The following VWA8 variants were observed in gnomAD, a reference collection of about 807,000 sequenced individuals.
VWA8 encodes the protein von Willebrand factor A domain containing 8.
VWA8 carries 221 observed loss-of-function variants against 241.5 expected under a neutral mutation model. The ratio of observed to expected loss-of-function variants is 0.91; its 90% CI spans 0.82 to 1.02. VWA8 has a LOEUF of 1.02. VWA8 is among the 50% of genes least tolerant of loss of function. The pLI is 0.00. For synonymous variants in VWA8, 852 were observed against 827.1 expected (o/e 1.03, Z -0.52); for missense variants, 2,322 against 2,328.7 (o/e 1.00, Z 0.06).
At chr13:41,850,355 C>T (rs1162959614) in intron 12 of VWA8, among the ~76,000 whole-genome samples, 1 of 152,186 alleles carries the variant, frequency 6.6e-6, no homozygotes, top group Admixed American at 6.5e-5. Flanking sequence ...TGGACCCAGT[C>T]ACCAGGCCCA....
At chr13:41,632,434 A>G (rs1007434525) in intron 37 of VWA8, among the ~76,000 whole-genome samples, 1 of 152,238 alleles carries the variant, frequency 6.6e-6, no homozygotes. Context: ...AATATGACCC[A>G]GATCCTAAAG....
chr13:41,647,643 A>G (rs1279646691), intron 37 of VWA8, among the ~76,000 whole-genome samples: 1 of 152,170 alleles, frequency 6.6e-6, no homozygotes, highest in African/African-American at 2.4e-5. Flanking sequence ...CAGCTTTGAA[A>G]CCATGAGTAG....
intron 2 of VWA8, among the ~76,000 whole-genome samples, chr13:41,918,285 AT>A (rs1358783320): frequency 6.6e-6 from 1 of 152,220 alleles, no homozygotes; most frequent in East Asian, 1.9e-4. Context: ...TATAGCTGTT[AT>A]CAAAACTAAA....
intron 37 of VWA8, among the ~76,000 whole-genome samples, chr13:41,665,416 C>G (rs1466185095): frequency 5.3e-5 from 8 of 152,042 alleles, no homozygotes; most frequent in Non-Finnish European, 1.0e-4. Context: ...GGTTTGAACA[C>G]TATAAATTTC....
Position 41,961,059 on chromosome 13 carries a change from C to T in VWA8, c.-44G>A. ...GGGGACGGCGAGGGGGCTCGGGGAT[C>T]GAGCGGCGTCCCGTGCAGGCACCGT... On this transcript the variant is annotated 5_prime_UTR_variant, in exon 1 of 45. Transcript: ENST00000379310. The T allele has an allele frequency of 7.4e-7, 1 of 1,353,396 alleles. No individual in the cohort carries two copies. The highest frequency in any genetic ancestry group is 1.8e-5 in the South Asian group (1 of 56,770). 83.8% of individuals were successfully genotyped at this position (1,353,396 alleles called of 1,614,324 possible). A position where few individuals can be genotyped will look rare whatever the true frequency, so the allele number is the denominator to read the frequency against.
chr13:41,842,426 G>A (rs1381603177), intron 12 of VWA8, among the ~76,000 whole-genome samples: 2 of 152,146 alleles, frequency 1.3e-5, no homozygotes, highest in African/African-American at 2.4e-5. Flanking sequence ...TACAGGATGC[G>A]ATGTTGACAT....
rs557570971 is a variant in VWA8, at chr13:41,886,958, T to G, written c.817-128A>C. 5.8e-6 allele frequency: 5 copies of G among 868,506 alleles called. No individual in the cohort carries two copies. In the East Asian group the frequency reaches 1.2e-4, roughly 20 times the overall value. 53.8% of individuals were successfully genotyped at this position (868,506 alleles called of 1,614,324 possible). A position where few individuals can be genotyped will look rare whatever the true frequency, so the allele number is the denominator to read the frequency against. On this transcript the variant is annotated intron_variant, in intron 6 of 44. Transcript: ENST00000379310. ...TAAATATTTAACAGCAAAAAATCAT[T>G]TATTGATACATTTCATTTTCTAAAA...
At chr13:41,664,813 G>A (rs925541774) in intron 37 of VWA8, among the ~76,000 whole-genome samples, 2 of 152,144 alleles carry the variant, frequency 1.3e-5, no homozygotes, top group Admixed American at 6.6e-5. Flanking sequence ...TTTGCCCTGT[G>A]TTTTTGTTGC....
At chr13:41,795,370 T>C (rs1869644510) in intron 17 of VWA8, among the ~76,000 whole-genome samples, 1 of 152,210 alleles carries the variant, frequency 6.6e-6, no homozygotes, top group Non-Finnish European at 1.5e-5. Context: ...AGTTCAACCA[T>C]TGTGGAAGAC....
chr13:41,670,245 C>T (rs1019409241), intron 37 of VWA8, among the ~76,000 whole-genome samples: 5 of 151,718 alleles, frequency 3.3e-5, no homozygotes, highest in Admixed American at 3.3e-4. Flanking sequence ...AAATGAATAG[C>T]AAATAAATCC....
intron 17 of VWA8, among the ~76,000 whole-genome samples, chr13:41,810,568 A>T (rs1334280499): frequency 1.3e-5 from 2 of 152,172 alleles, no homozygotes; most frequent in African/African-American, 4.8e-5. Context: ...TAAAAGCTAA[A>T]AATTAAAACA....
intron 37 of VWA8, among the ~76,000 whole-genome samples, chr13:41,621,112 C>T (rs145316032): frequency 6.6e-4 from 101 of 152,292 alleles, no homozygotes; most frequent in South Asian, 1.5e-3. Context: ...GAAAGCAATA[C>T]ACACATTCAA....
intron 21 of VWA8, among the ~76,000 whole-genome samples, chr13:41,749,505 G>GTA (rs1566440822): frequency 6.6e-6 from 1 of 152,114 alleles, no homozygotes; most frequent in Non-Finnish European, 1.5e-5. Context: ...CCATTACTGG[G>GTA]TATATACCCA....
intron 14 of VWA8, among the ~76,000 whole-genome samples, chr13:41,819,754 C>T (rs992766222): frequency 6.6e-6 from 1 of 152,122 alleles, no homozygotes; most frequent in Non-Finnish European, 1.5e-5. Context: ...CATTTAAAAC[C>T]CCTCAGAATC....
At chr13:41,909,757 G>A (rs372781512) in intron 3 of VWA8, among the ~76,000 whole-genome samples, 2 of 152,320 alleles carry the variant, frequency 1.3e-5, no homozygotes, top group South Asian at 2.1e-4. Context: ...GCTGATTCAC[G>A]AAAGAGGCAT....
intron 14 of VWA8, among the ~76,000 whole-genome samples, chr13:41,822,172 C>A (rs560175005): frequency 6.6e-6 from 1 of 152,140 alleles, no homozygotes; most frequent in Admixed American, 6.5e-5. Context: ...GTCAATCATA[C>A]CTCAACAGAG....
At chr13:41,864,233 A>G (rs1317712985) in intron 12 of VWA8, among the ~76,000 whole-genome samples, 1 of 152,152 alleles carries the variant, frequency 6.6e-6, no homozygotes, top group Non-Finnish European at 1.5e-5. Flanking sequence ...AAAATGGTGC[A>G]GCTGCTATGG....
chr13:41,769,062 C>A (rs2045800020), intron 20 of VWA8, among the ~76,000 whole-genome samples: 1 of 152,000 alleles, frequency 6.6e-6, no homozygotes, highest in South Asian at 2.1e-4. Flanking sequence ...GCCACCATGC[C>A]CAGATAATTA....
rs2045474264 is a variant in VWA8 at position 41,730,549 on chromosome 13, T to C, written c.2503-872A>G. 2.6e-5 allele frequency among the ~76,000 whole-genome samples: 4 copies of C among 152,098 alleles called. No individual in the cohort carries two copies. The South Asian group carries it at 6.2e-4, about 24-fold the overall frequency. On this transcript the variant is annotated intron_variant, in intron 22 of 44. Transcript: ENST00000379310. ...TTGAAGGTTTTGTAGGGACAGAATCTATAGTCTTGGCAACTGCTTAGGTGG... is the reference window on the plus strand; with the variant it reads ...TTGAAGGTTTTGTAGGGACAGAATCCATAGTCTTGGCAACTGCTTAGGTGG...
Sources: gnomAD v4.1 joint callset for allele counts (sites outside exome capture counted in the v4.1 genomes callset) on GRCh38, gnomAD v4.1.1 for gene constraint, MANE v1.5 for transcripts, NCBI Gene and HGNC (gene_info 2026-07-23, HGNC 2026-07-21) for gene names.